NOXA1: variants seen among roughly 807,000 people sequenced by gnomAD.
NOXA1 encodes the protein NADPH oxidase activator 1.
A neutral mutation model predicts 64.8 loss-of-function variants in NOXA1; 56 were observed. The ratio of observed to expected loss-of-function variants is 0.86; its 90% CI spans 0.70 to 1.08. The LOEUF (loss-of-function observed/expected upper bound fraction) is 1.08, where lower values mean the gene tolerates loss of function less well. Among genes scored for constraint, NOXA1 ranks in the 50% least tolerant of loss-of-function variants. The pLI is 0.00. For synonymous variants in NOXA1, 295 were observed against 294.8 expected (o/e 1.00, Z -0.01); for missense variants, 668 against 658.5 (o/e 1.01, Z -0.16).
At chr9:137,430,004 T>TAGCGAGG (rs1291086990) in intron 5 of NOXA1, among the ~76,000 whole-genome samples, 1 of 80,502 alleles carries the variant, frequency 1.2e-5, no homozygotes, top group African/African-American at 5.3e-5. Context: ...CTGCCACAGG[T>TAGCGAGG]AGCGAGGTCC....
chr9:137,433,073 A>T lies in NOXA1; in HGVS notation c.849A>T (p.Pro283=). The change falls in exon 9 of 14, where the codon CCA becomes CCT. Residue 283 remains proline, a splice_region_variant and synonymous_variant. Coordinates refer to ENST00000683555, the MANE Select transcript of NOXA1 (RefSeq NM_001256067.2). ...TTGGCAAACAGGCTCCTCTCTCCCC[A>T]GGTATGGGCGTCCTCAGCGGCGGGG... ...EQVGKQAPLS[P]GLPAMGGPGP... 1.2e-6 allele frequency: 2 copies of T among 1,612,768 alleles called. No individual in the cohort carries two copies. The highest frequency in any genetic ancestry group is 4.5e-5 in the East Asian group (2 of 44,864).
Position 137,431,919 on chromosome 9 carries a change from C to T in NOXA1, c.804+578C>T, listed in dbSNP as rs558504641. On this transcript the variant is annotated intron_variant, in intron 8 of 13. Coordinates refer to ENST00000683555, the MANE Select transcript of NOXA1 (RefSeq NM_001256067.2). This position sits in a 1 kb window ranked among gnomAD's most constrained non-coding sequence, Gnocchi z 5.6. ...TTCACGCTGAGCGCATCTGAGGATG[C>T]GATCAGGAAGCAGCCCCGGCACTCT... Among the ~76,000 whole-genome samples the T allele has an allele frequency of 4.6e-5, 7 of 152,264 alleles. No homozygotes were observed. Among genetic ancestry groups the T allele is most frequent in the African/African-American group, 7.2e-5 (3 of 41,534 alleles).
At chr9:137,433,111 G>A (rs762328289) in intron 9 of NOXA1, 37 bp downstream of exon 9, 5 of 1,612,226 alleles carry the variant, frequency 3.1e-6, no homozygotes, top group South Asian at 1.1e-5. Context: ...CCCGGGTGAA[G>A]GAGGAAGCTG....
chr9:137,429,849 CGGGGGG>C (rs34530089), intron 5 of NOXA1, among the ~76,000 whole-genome samples: 1 of 3,230 alleles, frequency 3.1e-4, no homozygotes. Context: ...AGCGAGGTCC[CGGGGGG>C]GGGGGGTCCC....
chr9:137,427,016 C>T (rs112655414), intron 2 of NOXA1, among the ~76,000 whole-genome samples: 2,072 of 152,094 alleles, frequency 0.014, 47 homozygotes, highest in African/African-American at 0.046. Context: ...AGGCTGGTCT[C>T]GAACTCCTGA....
At chr9:137,430,871 C>A in intron 6 of NOXA1, 28 bp downstream of exon 6, 1 of 1,563,432 alleles carries the variant, frequency 6.4e-7, no homozygotes. Flanking sequence ...CAGACCCCTG[C>A]CTGGCCTCAC....
intron 2 of NOXA1, among the ~76,000 whole-genome samples, chr9:137,426,666 G>A (rs2131875028): frequency 6.6e-6 from 1 of 152,336 alleles, no homozygotes; most frequent in South Asian, 2.1e-4. Context: ...TCCCAGGAGG[G>A]CAGGCTCTGT....
At position 137,428,010 on chromosome 9, in the gene NOXA1, G is replaced by C. The variant is rs753141589; in HGVS notation, c.261-23G>C. ...AGCCCCATCTCCGCCCTGTGCTGCT[G>C]AGGGGACCCCGGCTGCCCACAGGTT... On this transcript the variant is annotated intron_variant, in intron 2 of 13. Coordinates refer to ENST00000683555, the MANE Select transcript of NOXA1 (RefSeq NM_001256067.2). 2.6e-6 allele frequency: 4 copies of C among 1,527,452 alleles called. 1 individual carries two copies. The South Asian group carries it at 4.8e-5, about 18-fold the overall frequency. The allele number at this position is 1,527,452 out of a possible 1,614,324, so 94.6% of individuals were successfully genotyped here. A position where few individuals can be genotyped will look rare whatever the true frequency, so the allele number is the denominator to read the frequency against.
At chr9:137,427,953 G>C in intron 2 of NOXA1, 80 bp from the exon 3 acceptor site, 2 of 977,080 alleles carry the variant, frequency 2.0e-6, no homozygotes, top group Admixed American at 2.1e-5. Flanking sequence ...GGGGCGGCTC[G>C]AGCGGGGCTG....
rs769956849 is a variant in NOXA1, at chr9:137,433,014, G to A, written c.805-15G>A. Reference sequence around the variant, plus strand: ...CTGACCGCCCCAGCCCACCCAGCCTGTGCTTCTCTTGCAGAGGCCCCAGGT... The same window carrying A: ...CTGACCGCCCCAGCCCACCCAGCCTATGCTTCTCTTGCAGAGGCCCCAGGT... On this transcript the variant is annotated splice_polypyrimidine_tract_variant and intron_variant, in intron 8 of 13. Coordinates refer to ENST00000683555, the MANE Select transcript of NOXA1 (RefSeq NM_001256067.2). 4 of 1,612,388 alleles carry A rather than the reference G, an allele frequency of 2.5e-6. No homozygotes were observed. The Admixed American group carries it at 5.0e-5, about 20-fold the overall frequency.
intron 4 of NOXA1, 56 bp downstream of exon 4, chr9:137,429,072 A>G (rs1838971923): frequency 6.8e-7 from 1 of 1,474,380 alleles, no homozygotes; most frequent in Non-Finnish European, 9.0e-7. Flanking sequence ...AAGCTCCTCA[A>G]GACCAATTTC....
Position 137,433,988 on chromosome 9 carries a change from C to G in NOXA1, c.1203C>G (p.Leu401=). ...AGGGAGCCGGGGGTCGGCCGGTCCT[C>G]TACCAGGTGGTGGCCCAGCACAGCT... The part of the protein sequence containing the change: ...QCRGAGGRPV[L]YQVVAQHSYS... Residue 401 remains leucine (L), a synonymous_variant, in exon 13 of 14, where the codon CTC becomes CTG. Transcript: ENST00000683555. 1 of 1,558,456 alleles carries G rather than the reference C, an allele frequency of 6.4e-7. No individual in the cohort carries two copies. Among genetic ancestry groups the G allele is most frequent in the Non-Finnish European group, 8.7e-7 (1 of 1,154,978 alleles).
chr9:137,425,975 C>T (rs1838832479), intron 1 of NOXA1, among the ~76,000 whole-genome samples: 1 of 152,152 alleles, frequency 6.6e-6, no homozygotes, highest in Non-Finnish European at 1.5e-5. Context: ...TGGCCTCTGT[C>T]CTTGTGCTCA....
intron 1 of NOXA1, among the ~76,000 whole-genome samples, chr9:137,425,427 G>T (rs1441592090): frequency 6.6e-6 from 1 of 152,032 alleles, no homozygotes; most frequent in Non-Finnish European, 1.5e-5. Flanking sequence ...GCTCTGTCTT[G>T]CAGGCTGGAG....
intron 3 of NOXA1, 66 bp from the exon 4 acceptor site, chr9:137,428,815 TG>T (rs1389063443): frequency 8.3e-7 from 1 of 1,207,298 alleles, no homozygotes; most frequent in African/African-American, 2.4e-5. Context: ...AGGAGCTGGG[TG>T]GGGGAACCGG....
chr9:137,424,306 G>A (rs7029543), intron 1 of NOXA1, among the ~76,000 whole-genome samples: 2,186 of 152,376 alleles, frequency 0.014, 51 homozygotes, highest in African/African-American at 0.05. Context: ...ACTGCGCGCT[G>A]TGGGAGGGTC....
In NOXA1 at chr9:137,429,292, C is replaced by T. The variant is rs559634022; in HGVS notation, c.521C>T (p.Pro174Leu). 104 of 1,566,414 alleles carry T rather than the reference C, an allele frequency of 6.6e-5. No individual in the cohort carries two copies. Among genetic ancestry groups the T allele is most frequent in the East Asian group, 9.3e-5 (4 of 42,950 alleles). ...LDQVQRRGSL[P>L]PRQVPRGEVF... ...CCCCTCCAGAGACGGGGCTCACTGC[C>T]GCCACGGCAGGTCCCCAGGGGCGAG... Residue 174 changes from proline to leucine, a missense_variant, in exon 5 of 14, where the codon CCG (proline) becomes CTG (leucine). Coordinates refer to ENST00000683555, the MANE Select transcript of NOXA1 (RefSeq NM_001256067.2).
Position 137,428,919 on chromosome 9 carries a change from G to A in NOXA1, c.407G>A (p.Gly136Glu). 1 of 1,594,774 alleles carries A rather than the reference G, an allele frequency of 6.3e-7. No individual in the cohort carries two copies. Among genetic ancestry groups the A allele is most frequent in the Non-Finnish European group, 8.5e-7 (1 of 1,171,828 alleles). Residue 136 changes from glycine to glutamate, a missense_variant, in exon 4 of 14, where the codon GGG (glycine) becomes GAG (glutamate). Coordinates refer to ENST00000683555, the MANE Select transcript of NOXA1 (RefSeq NM_001256067.2). Reference sequence around the variant, plus strand: ...GTGGCGTCGGCACAGTGCCAGCTGGGGCTCTGGACAGAGGCGGCCAGCAGC... The same window carrying A: ...GTGGCGTCGGCACAGTGCCAGCTGGAGCTCTGGACAGAGGCGGCCAGCAGC... ...HNVASAQCQL[G>E]LWTEAASSLR...
intron 10 of NOXA1, 24 bp from the exon 11 acceptor site, chr9:137,433,429 C>A (rs1258577737): frequency 1.9e-6 from 3 of 1,583,364 alleles, no homozygotes; most frequent in Non-Finnish European, 2.6e-6. Flanking sequence ...AGCGACCACC[C>A]CTCCCCCTCC....
Sources: gnomAD v4.1 joint callset for allele counts (sites outside exome capture counted in the v4.1 genomes callset) on GRCh38, gnomAD v4.1.1 for gene constraint, Gnocchi (gnomAD v3.1) non-coding constraint, MANE v1.5 for transcripts, NCBI Gene and HGNC (gene_info 2026-07-23, HGNC 2026-07-21) for gene names.